Variants in IPCEF1 observed in about 807,000 individuals in gnomAD.
IPCEF1 encodes the protein interactor protein for cytohesin exchange factors 1.
A neutral mutation model predicts 50.9 loss-of-function variants in IPCEF1; 31 were observed. That is an observed-to-expected ratio of 0.61 (90% CI 0.46 to 0.82). IPCEF1 has a LOEUF of 0.82. IPCEF1 is among the 40% of genes least tolerant of loss of function. The pLI, the probability that IPCEF1 is intolerant of heterozygous loss-of-function variation, is 0.00. For missense variants in IPCEF1, 458 were observed against 514.0 expected (o/e 0.89, Z 1.05); for synonymous variants, 181 against 192.0 (o/e 0.94, Z 0.47).
intron 11 of IPCEF1, among the ~76,000 whole-genome samples, chr6:154,164,689 C>A (rs777514597): frequency 1.2e-4 from 18 of 152,140 alleles, no homozygotes; most frequent in Non-Finnish European, 2.2e-4. Flanking sequence ...GAAATGTGTT[C>A]CACCAGAGTA....
At chr6:154,221,045 G>A (rs1418453602) in intron 7 of IPCEF1, among the ~76,000 whole-genome samples, 1 of 152,100 alleles carries the variant, frequency 6.6e-6, no homozygotes, top group Admixed American at 6.5e-5. Flanking sequence ...GTGGTTCCCC[G>A]AAATAGCCAC....
At chr6:154,344,116 A>G (rs1783977332) in intron 1 of IPCEF1, among the ~76,000 whole-genome samples, 1 of 152,152 alleles carries the variant, frequency 6.6e-6, no homozygotes, top group African/African-American at 2.4e-5. Context: ...GGTATCCACC[A>G]CACTCCGAGT....
At chr6:154,343,150 T>A (rs908916739) in intron 1 of IPCEF1, among the ~76,000 whole-genome samples, 3 of 152,116 alleles carry the variant, frequency 2.0e-5, no homozygotes, top group African/African-American at 7.2e-5. Context: ...GCCACAGGTG[T>A]GTCTGTGGCT....
chr6:154,168,016 A>G lies in IPCEF1; in HGVS notation c.1008T>C (p.Thr336=). 6.2e-7 allele frequency: 1 copy of G among 1,612,282 alleles called. No homozygotes were observed. Among genetic ancestry groups the G allele is most frequent in the Non-Finnish European group, 8.5e-7 (1 of 1,178,540 alleles). Residue 336 remains threonine, a synonymous_variant, in exon 11 of 12, where the codon ACT becomes ACC. Coordinates refer to ENST00000367220, the MANE Select transcript of IPCEF1 (RefSeq NM_001130700.2). This position sits in a 1 kb window ranked among gnomAD's most constrained non-coding sequence, Gnocchi z 4.1. ...LSPLGDRRPS[T]KKELRKSFVK... Reference sequence around the variant, plus strand: ...CAAAGGATTTTCTCAACTCCTTTTTAGTCGAAGGTCGTCGGTCCCCAAGAG... The same window carrying G: ...CAAAGGATTTTCTCAACTCCTTTTTGGTCGAAGGTCGTCGGTCCCCAAGAG...
At chr6:154,282,181 T>A (rs1023679577) in intron 2 of IPCEF1, among the ~76,000 whole-genome samples, 13 of 150,978 alleles carry the variant, frequency 8.6e-5, no homozygotes, top group Admixed American at 3.3e-4. Flanking sequence ...AATTAAAAAA[T>A]AAATAAATAA....
At position 154,222,804 on chromosome 6, in the gene IPCEF1, G is replaced by A. The variant is rs148868480; in HGVS notation, c.320+366C>T. On this transcript the variant is annotated intron_variant, in intron 6 of 11. Coordinates refer to ENST00000367220, the MANE Select transcript of IPCEF1 (RefSeq NM_001130700.2). ...AGAAAGAAAAGCTGGTCTTGCTGGCGTATCTGCAACTCGGGTGAGTCCTAT... is the reference window on the plus strand; with the variant it reads ...AGAAAGAAAAGCTGGTCTTGCTGGCATATCTGCAACTCGGGTGAGTCCTAT... 6.3e-3 allele frequency among the ~76,000 whole-genome samples: 953 copies of A among 152,286 alleles called. 11 individuals are homozygous for A. The highest frequency in any genetic ancestry group is 0.024 in the Middle Eastern group (7 of 294).
chr6:154,352,741 G>A (rs921996333), intron 1 of IPCEF1, among the ~76,000 whole-genome samples: 9 of 152,212 alleles, frequency 5.9e-5, no homozygotes, highest in African/African-American at 2.2e-4. Context: ...GGCCCTGTGA[G>A]ACGGCAGGGC....
intron 1 of IPCEF1, among the ~76,000 whole-genome samples, chr6:154,319,902 C>A (rs1309181802): frequency 1.3e-5 from 2 of 152,160 alleles, no homozygotes; most frequent in East Asian, 1.9e-4. Context: ...GCTGTATCCC[C>A]AAAATTTTAA....
intron 5 of IPCEF1, among the ~76,000 whole-genome samples, chr6:154,231,943 C>T (rs1779757346): frequency 2.0e-5 from 3 of 152,202 alleles, no homozygotes; most frequent in African/African-American, 2.4e-5. Context: ...ATAATCATTG[C>T]TCTGAAAGAC....
intron 2 of IPCEF1, among the ~76,000 whole-genome samples, chr6:154,278,960 C>CA (rs1381623158): frequency 0.049 from 2,733 of 55,942 alleles, 37 homozygotes; most frequent in Middle Eastern, 0.13. Context: ...ACCAAAAATA[C>CA]AAAAAAAAAA....
chr6:154,349,709 T>C (rs953260505), intron 1 of IPCEF1, among the ~76,000 whole-genome samples: 1 of 152,090 alleles, frequency 6.6e-6, no homozygotes, highest in Non-Finnish European at 1.5e-5. Context: ...GCAGTTTCCT[T>C]CACAATAGTC....
In IPCEF1 at chr6:154,237,418, A is replaced by G. The variant is rs77362759; in HGVS notation, c.246+9173T>C. Among the ~76,000 whole-genome samples the G allele has an allele frequency of 2.9e-3, 440 of 152,350 alleles. 2 individuals carry two copies. The highest frequency in any genetic ancestry group is 0.01 in the African/African-American group (426 of 41,582). On this transcript the variant is annotated intron_variant, in intron 5 of 11. Coordinates refer to ENST00000367220, the MANE Select transcript of IPCEF1 (RefSeq NM_001130700.2). ...TTTTGGACTTTCTTACACAGGACAG[A>G]TCATAGTCACTGAGAAAAACCATTC... is the stretch of plus-strand genomic sequence containing the variant.
chr6:154,167,372 G>A (rs1799526010), intron 11 of IPCEF1, among the ~76,000 whole-genome samples: 1 of 152,202 alleles, frequency 6.6e-6, no homozygotes, highest in African/African-American at 2.4e-5. Context: ...TTACCACAGA[G>A]TGTGTACTTC....
At chr6:154,223,133 T>C (rs1035731657) in intron 6 of IPCEF1, 37 bp downstream of exon 6, 48 of 1,488,226 alleles carry the variant, frequency 3.2e-5, no homozygotes, top group Non-Finnish European at 4.5e-5. Flanking sequence ...GATAGTATCC[T>C]GGCTCAGAGT....
At chr6:154,267,139 T>A (rs974738216) in intron 2 of IPCEF1, among the ~76,000 whole-genome samples, 2 of 18,462 alleles carry the variant, frequency 1.1e-4, no homozygotes, top group African/African-American at 3.7e-4. Context: ...ACTTATTTCT[T>A]AAAAAAAAAT....
chr6:154,167,773 A>G (rs548574674), intron 11 of IPCEF1, 147 bp downstream of exon 11: 2 of 574,282 alleles, frequency 3.5e-6, no homozygotes, highest in South Asian at 6.9e-5. Flanking sequence ...CGTCAAGATC[A>G]TCTTGCCCTA....
At chr6:154,232,394 G>A (rs111438527) in intron 5 of IPCEF1, among the ~76,000 whole-genome samples, 2,241 of 152,186 alleles carry the variant, frequency 0.015, 48 homozygotes, top group African/African-American at 0.05. Flanking sequence ...TTTATTGAGC[G>A]CTAAGCATAT....
intron 5 of IPCEF1, among the ~76,000 whole-genome samples, chr6:154,226,234 T>C (rs551933173): frequency 8.1e-4 from 124 of 152,304 alleles, no homozygotes; most frequent in Non-Finnish European, 1.4e-3. Flanking sequence ...ATACCTTGTA[T>C]CACCACTGTC....
intron 1 of IPCEF1, among the ~76,000 whole-genome samples, chr6:154,338,317 C>T (rs1783831871): frequency 6.6e-6 from 1 of 152,186 alleles, no homozygotes; most frequent in Non-Finnish European, 1.5e-5. Flanking sequence ...GAAATTTTGA[C>T]CTCATGTACT....
Sources: gnomAD v4.1 joint callset for allele counts (sites outside exome capture counted in the v4.1 genomes callset) on GRCh38, gnomAD v4.1.1 for gene constraint, Gnocchi (gnomAD v3.1) non-coding constraint, MANE v1.5 for transcripts, NCBI Gene and HGNC (gene_info 2026-07-23, HGNC 2026-07-21) for gene names.